Variants in CHRM2 observed in about 807,000 individuals in gnomAD.
CHRM2 encodes the protein cholinergic receptor muscarinic 2.
CHRM2 carries 8 observed loss-of-function variants against 25.0 expected under a neutral mutation model. The observed-to-expected ratio is 0.32, with a 90% CI of 0.19 to 0.58. The LOEUF (loss-of-function observed/expected upper bound fraction) is 0.58, where lower values mean the gene tolerates loss of function less well. Ranked by LOEUF, CHRM2 falls within the 20% of genes least tolerant of loss-of-function variation. The pLI, the probability that CHRM2 is intolerant of heterozygous loss-of-function variation, is 0.88. For synonymous variants in CHRM2, 202 were observed against 205.7 expected (o/e 0.98, Z 0.15); for missense variants, 440 against 567.1 (o/e 0.78, Z 2.28).
intron 2 of CHRM2, among the ~76,000 whole-genome samples, chr7:136,990,691 T>C (rs1277584591): frequency 1.3e-5 from 2 of 152,172 alleles, no homozygotes; most frequent in African/African-American, 4.8e-5. Context: ...ATGTGCAGGT[T>C]TTTGTGTGGA....
At chr7:136,971,649 G>A (rs2130932607) in intron 2 of CHRM2, among the ~76,000 whole-genome samples, 1 of 150,952 alleles carries the variant, frequency 6.6e-6, no homozygotes, top group Middle Eastern at 3.5e-3. Context: ...ACTTGCTGGA[G>A]GAGTTTAGTG....
At chr7:137,012,369 G>A (rs772428699) in intron 3 of CHRM2, among the ~76,000 whole-genome samples, 2 of 152,004 alleles carry the variant, frequency 1.3e-5, no homozygotes, top group Non-Finnish European at 2.9e-5. Flanking sequence ...TGCAAAAAAG[G>A]ATTGTCAAAG....
intron 2 of CHRM2, among the ~76,000 whole-genome samples, chr7:136,982,833 T>C (rs938080868): frequency 2.0e-5 from 3 of 152,158 alleles, no homozygotes; most frequent in Non-Finnish European, 4.4e-5. Flanking sequence ...ATGGGCTTCC[T>C]TTTGTGAGTA....
At chr7:136,882,755 T>C (rs112753671) in intron 2 of CHRM2, among the ~76,000 whole-genome samples, 34 of 152,230 alleles carry the variant, frequency 2.2e-4, no homozygotes, top group Admixed American at 7.9e-4. Flanking sequence ...GCCATGCTTA[T>C]AGGTATATAG....
chr7:137,009,828 G>C (rs1292308876), intron 3 of CHRM2, among the ~76,000 whole-genome samples: 2 of 151,908 alleles, frequency 1.3e-5, no homozygotes, highest in African/African-American at 4.8e-5. Context: ...TAGTAGTATT[G>C]ATAATTTAAT....
rs370459840 is a variant in CHRM2, at chr7:136,906,240, ATAT to A, written c.-125+36826_-125+36828del. Among the ~76,000 whole-genome samples, 830 of 151,202 alleles carry A rather than the reference ATAT, an allele frequency of 5.5e-3. 11 individuals carry two copies. The highest frequency in any genetic ancestry group is 0.018 in the African/African-American group (748 of 41,364). ...ATATATATGGTTTGTATGTATGTAC[ATAT>A]TATACATATATATGTGTGATTAAAT... On this transcript the variant is annotated intron_variant, in intron 2 of 3. Coordinates refer to ENST00000680005, the MANE Select transcript of CHRM2 (RefSeq NM_001006630.2).
In CHRM2 at chr7:136,875,162, A is replaced by T. The variant is rs910281097; in HGVS notation, c.-125+5744A>T. Among the ~76,000 whole-genome samples, 6 of 147,008 alleles carry T rather than the reference A, an allele frequency of 4.1e-5. No homozygotes were observed. The South Asian group carries it at 1.3e-3, about 31-fold the overall frequency. On this transcript the variant is annotated intron_variant, in intron 2 of 3. Transcript: ENST00000680005. ...ACACACATACACACACATGAATTTT[A>T]TATATATATATATATCTCCAGCAAG...
At chr7:136,984,718 C>A (rs1024516355) in intron 2 of CHRM2, among the ~76,000 whole-genome samples, 1 of 152,050 alleles carries the variant, frequency 6.6e-6, no homozygotes, top group African/African-American at 2.4e-5. Flanking sequence ...TGACCCCTTG[C>A]ACTTCCTGGG....
chr7:136,939,669 A>C (rs1361490657), intron 2 of CHRM2, among the ~76,000 whole-genome samples: 1 of 152,190 alleles, frequency 6.6e-6, no homozygotes, highest in Non-Finnish European at 1.5e-5. Context: ...AGTGGGACTT[A>C]CTCTGTTTTT....
intron 2 of CHRM2, among the ~76,000 whole-genome samples, chr7:136,915,858 ATTT>A (rs113903060): frequency 7.0e-6 from 1 of 141,846 alleles, no homozygotes; most frequent in African/African-American, 2.6e-5. Flanking sequence ...GAAAAGAAAC[ATTT>A]TTTTTTTTTT....
intron 2 of CHRM2, among the ~76,000 whole-genome samples, chr7:136,946,406 G>A (rs1224670679): frequency 6.6e-6 from 1 of 152,122 alleles, no homozygotes. Flanking sequence ...ACATGACAGG[G>A]CTTTTCCCTC....
At chr7:136,918,183 T>C (rs1261297995) in intron 2 of CHRM2, among the ~76,000 whole-genome samples, 1 of 152,058 alleles carries the variant, frequency 6.6e-6, no homozygotes, top group Non-Finnish European at 1.5e-5. Flanking sequence ...ACTTTAAAGT[T>C]TTAGGTGCCT....
chr7:137,010,524 G>C (rs1443794802), intron 3 of CHRM2, among the ~76,000 whole-genome samples: 1 of 152,008 alleles, frequency 6.6e-6, no homozygotes, highest in African/African-American at 2.4e-5. Context: ...GAAATTTAAA[G>C]AGTAGAATTG....
At chr7:136,975,312 A>G (rs569616643) in intron 2 of CHRM2, among the ~76,000 whole-genome samples, 2 of 152,298 alleles carry the variant, frequency 1.3e-5, no homozygotes, top group African/African-American at 4.8e-5. Context: ...TCCCCTTATG[A>G]ACTCTAAAAA....
chr7:136,977,805 T>C (rs1228682381), intron 2 of CHRM2, among the ~76,000 whole-genome samples: 1 of 152,202 alleles, frequency 6.6e-6, no homozygotes, highest in Non-Finnish European at 1.5e-5. Context: ...CCATAAATTC[T>C]TTACCAAGGC....
At chr7:136,941,806 A>G (rs1301220513) in intron 2 of CHRM2, among the ~76,000 whole-genome samples, 1 of 152,076 alleles carries the variant, frequency 6.6e-6, no homozygotes, top group African/African-American at 2.4e-5. Context: ...GTGGTAGTGG[A>G]TGCTTCTGTT....
chr7:136,958,439 C>A (rs1800854380), intron 2 of CHRM2, among the ~76,000 whole-genome samples: 1 of 143,500 alleles, frequency 7.0e-6, no homozygotes, highest in Non-Finnish European at 1.5e-5. Flanking sequence ...AATGAAGAAG[C>A]AGTGTCATCT....
intron 2 of CHRM2, among the ~76,000 whole-genome samples, chr7:136,948,794 TCTC>T (rs1228707102): frequency 6.6e-6 from 1 of 152,122 alleles, no homozygotes; most frequent in African/African-American, 2.4e-5. Flanking sequence ...AAATGAGTCT[TCTC>T]TTCCACCACA....
intron 2 of CHRM2, among the ~76,000 whole-genome samples, chr7:136,923,530 AG>A (rs1798571656): frequency 6.6e-6 from 1 of 152,136 alleles, no homozygotes; most frequent in Non-Finnish European, 1.5e-5. Flanking sequence ...AGAGTTGAGT[AG>A]CTTCTTAGAA....
Sources: allele counts gnomAD v4.1 joint callset (sites outside exome capture counted in the v4.1 genomes callset), GRCh38; gene constraint gnomAD v4.1.1; transcripts MANE v1.5; gene names NCBI Gene and HGNC (gene_info 2026-07-23, HGNC 2026-07-21).